The following HOXB5 variants were observed in gnomAD, a reference collection of about 807,000 sequenced individuals.
HOXB5 encodes homeobox protein Hox-B5.
HOXB5 carries 10 observed loss-of-function variants against 19.6 expected under a neutral mutation model. The observed-to-expected ratio is 0.51, with a 90% CI of 0.32 to 0.87. The LOEUF (loss-of-function observed/expected upper bound fraction) is 0.87. Among genes scored for constraint, HOXB5 ranks in the 40% least tolerant of loss-of-function variants. The probability of loss-of-function intolerance (pLI) is 0.04; values close to 1 mark genes in which losing one functional copy is unlikely to be tolerated. For synonymous variants in HOXB5, 167 were observed against 156.9 expected, an observed-to-expected ratio of 1.06 and a Z score of -0.48; for missense variants, 353 against 369.6, an observed-to-expected ratio of 0.96 and a Z score of 0.37.
At chr17:48,592,501 A>G in intron 1 of HOXB5, 45 bp from the exon 2 acceptor site, 1 of 711,926 alleles carries the variant, frequency 1.4e-6, no homozygotes, top group Non-Finnish European at 2.2e-6. Context: ...TATTCCGGTT[A>G]AGGGAGGGGG....
At chr17:48,593,053 TCCCCCCGA>T in intron 1 of HOXB5, 60 bp downstream of exon 1, 67 of 621,624 alleles carry the variant, frequency 1.1e-4, no homozygotes, top group Non-Finnish European at 1.6e-4. Context: ...GCTCTCCTTG[TCCCCCCGA>T]TCCCACCCCA....
rs1157466837 is a variant in HOXB5 at position 48,593,518 on chromosome 17, G to A, written c.165C>T (p.Ser55=). Residue 55 remains serine, a synonymous_variant, in exon 1 of 2, where the codon AGC becomes AGT. Coordinates refer to ENST00000239151, the MANE Select transcript of HOXB5 (RefSeq NM_002147.4). ...TGGAGGAGGCCGAGGAGCGGTTGAC[G>A]CTGAGGTCCATCCCATTGTAATTGT... ...YGYNYNGMDL[S]VNRSSASSSH... is the part of the protein sequence containing the mutation. 6.2e-7 allele frequency: 1 copy of A among 1,613,294 alleles called. No individual in the cohort carries two copies. Among genetic ancestry groups the A allele is most frequent in the Non-Finnish European group, 8.5e-7 (1 of 1,179,990 alleles).
In HOXB5 at chr17:48,591,924, C is replaced by T. The variant is rs2070160566; in HGVS notation, c.*285G>A. The T allele has an allele frequency of 9.6e-6, 2 of 207,368 alleles. No individual in the cohort carries two copies. The highest frequency in any genetic ancestry group is 1.9e-5 in the Non-Finnish European group (2 of 107,310). The allele number at this position is 207,368 out of a possible 1,614,324, so 12.8% of individuals were successfully genotyped here. ...CTGGGGGAAAGACTGCAACCACAGACACAAACATTCAGAAACACTGGCGGA... is the reference window on the plus strand; with the variant it reads ...CTGGGGGAAAGACTGCAACCACAGATACAAACATTCAGAAACACTGGCGGA... On this transcript the variant is annotated 3_prime_UTR_variant, in exon 2 of 2. Transcript: ENST00000239151.
At chr17:48,593,065 C>CCCCCCCAA in intron 1 of HOXB5, 56 bp downstream of exon 1, 4 of 761,326 alleles carry the variant, frequency 5.3e-6, no homozygotes, top group South Asian at 1.9e-5. Context: ...CCCCCGATCC[C>CCCCCCCAA]ACCCCAAAAC....
At chr17:48,593,064 C>CCCCCCCAAAA in intron 1 of HOXB5, 57 bp downstream of exon 1, 3 of 725,174 alleles carry the variant, frequency 4.1e-6, no homozygotes, top group Non-Finnish European at 6.7e-6. Flanking sequence ...CCCCCCGATC[C>CCCCCCCAAAA]CACCCCAAAA....
At chr17:48,593,053 T>G in intron 1 of HOXB5, 68 bp downstream of exon 1, 1 of 621,650 alleles carries the variant, frequency 1.6e-6, no homozygotes, top group Non-Finnish European at 2.9e-6. Context: ...GCTCTCCTTG[T>G]CCCCCCGATC....
At chr17:48,592,523 A>T (rs1283619590) in intron 1 of HOXB5, 67 bp from the exon 2 acceptor site, 2 of 90,066 alleles carry the variant, frequency 2.2e-5, no homozygotes, top group Non-Finnish European at 4.6e-5. Context: ...ACTGGGTGGG[A>T]GGGGGCGGGG....
At position 48,592,345 on chromosome 17, in the gene HOXB5, A is replaced by G; in HGVS notation, c.674T>C (p.Ile225Thr). The G allele has an allele frequency of 6.2e-7, 1 of 1,613,938 alleles. No homozygotes were observed. The highest frequency in any genetic ancestry group is 8.5e-7 in the Non-Finnish European group (1 of 1,179,972). ...CAGGCAGAGTGCGTGGGCGATCTCG[A>G]TGCGCCGTCGCCGGGTCAGGTAGCG... ...FNRYLTRRRRIEIAHALCLSE... is the reference protein window; with the variant it reads ...FNRYLTRRRRTEIAHALCLSE... Residue 225 changes from isoleucine to threonine, a missense_variant, in exon 2 of 2, where the codon ATC (isoleucine) becomes ACC (threonine). Coordinates refer to ENST00000239151, the MANE Select transcript of HOXB5 (RefSeq NM_002147.4).
Position 48,591,724 on chromosome 17 carries a change from C to T in HOXB5, c.*485G>A, listed in dbSNP as rs963356208. 6.5e-6 allele frequency: 1 copy of T among 152,988 alleles called. No homozygotes were observed. The highest frequency in any genetic ancestry group is 2.4e-5 in the African/African-American group (1 of 41,326). The allele number at this position is 152,988 out of a possible 1,614,324, so 9.5% of individuals were successfully genotyped here. ...GGAGAATGAAAAGGGACTCCATCTC[C>T]GAAGCCAGCTCAGCTTGACCCCACT... On this transcript the variant is annotated 3_prime_UTR_variant, in exon 2 of 2. Transcript: ENST00000239151.
chr17:48,592,265 C>T lies in HOXB5; in HGVS notation c.754G>A (p.Asp252Asn). 2 of 1,613,942 alleles carry T rather than the reference C, an allele frequency of 1.2e-6. No homozygotes were observed. Among genetic ancestry groups the T allele is most frequent in the East Asian group, 2.2e-5 (1 of 44,870 alleles). The stretch of plus-strand genomic sequence containing the variant: ...AGGCTCATACTTTTCAATTTGTTGT[C>T]CTTCTTCCACTTCATGCGCCGGTTC... ...FQNRRMKWKK[D>N]NKLKSMSLAT... Residue 252 changes from aspartate (D) to asparagine (N), a missense_variant, in exon 2 of 2, where the codon GAC becomes AAC. Transcript: ENST00000239151.
chr17:48,592,258 T>C lies in HOXB5; in HGVS notation c.761A>G (p.Lys254Arg). 6.2e-7 allele frequency: 1 copy of C among 1,613,890 alleles called. No homozygotes were observed. Among genetic ancestry groups the C allele is most frequent in the Non-Finnish European group, 8.5e-7 (1 of 1,179,984 alleles). Residue 254 changes from lysine (K) to arginine (R), a missense_variant, in exon 2 of 2, where the codon AAA (lysine) becomes AGA (arginine). Coordinates refer to ENST00000239151, the MANE Select transcript of HOXB5 (RefSeq NM_002147.4). ...TGTAGCCAGGCTCATACTTTTCAAT[T>C]TGTTGTCCTTCTTCCACTTCATGCG... ...NRRMKWKKDN[K>R]LKSMSLATAG...
chr17:48,592,138 C>CG lies in HOXB5; in HGVS notation c.*70dup, dbSNP rs2070166185. 6.5e-7 allele frequency: 1 copy of CG among 1,534,288 alleles called. No individual in the cohort carries two copies. Among genetic ancestry groups the CG allele is most frequent in the South Asian group, 1.2e-5 (1 of 81,482 alleles). ...CGGTCCCCAGCGGGCGGCGGCAGAG[C>CG]GGGGAGGATTGGAGGGGCCAGGGCT... On this transcript the variant is annotated 3_prime_UTR_variant, in exon 2 of 2. Coordinates refer to ENST00000239151, the MANE Select transcript of HOXB5 (RefSeq NM_002147.4).
At position 48,593,220 on chromosome 17, in the gene HOXB5, C is replaced by A; in HGVS notation, c.463G>T (p.Ala155Ser). 6.2e-7 allele frequency: 1 copy of A among 1,613,092 alleles called. No homozygotes were observed. Among genetic ancestry groups the A allele is most frequent in the South Asian group, 1.1e-5 (1 of 91,030 alleles). The change falls in exon 1 of 2, where the codon GCT (alanine) becomes TCT (serine). Residue 155 changes from alanine to serine, a missense_variant. By Grantham distance (99) the Ala-to-Ser change is moderately conservative (BLOSUM62 1). Coordinates refer to ENST00000239151, the MANE Select transcript of HOXB5 (RefSeq NM_002147.4). ...GCCATGGGCTCTGGCTGCGCCCGAG[C>A]TAGGCTGGGGCTGCTTAGCTGGCTT... The part of the protein sequence containing the change: ...AASQLSSPSL[A>S]RAQPEPMATS...
intron 1 of HOXB5, 55 bp downstream of exon 1, chr17:48,593,066 A>T (rs1416229645): frequency 8.1e-6 from 3 of 368,358 alleles, no homozygotes; most frequent in Non-Finnish European, 1.4e-5. Context: ...CCCCGATCCC[A>T]CCCCAAAACG....
At position 48,593,280 on chromosome 17, in the gene HOXB5, C is replaced by A; in HGVS notation, c.403G>T (p.Glu135Ter). ...TCAGGCTCCGAGGACGCGCTGGCCT[C>A]GTCTATTTCGGTGAAATTGGCGCTG... Reference protein sequence around the residue: ...SSSANFTEIDEASASSEPEEA... With the variant: ...SSSANFTEID Residue 135 changes from glutamate to a stop codon, truncating the protein, a stop_gained, in exon 1 of 2, where the codon GAG (glutamate) becomes TAG (stop). Transcript: ENST00000239151. LOFTEE classifies it high-confidence loss of function. 1 of 1,613,578 alleles carries A rather than the reference C, an allele frequency of 6.2e-7. No homozygotes were observed. Among genetic ancestry groups the A allele is most frequent in the Non-Finnish European group, 8.5e-7 (1 of 1,179,580 alleles).
rs766325344 is a variant in HOXB5, at chr17:48,592,226, T to C, written c.793A>G (p.Ser265Gly). Reference protein sequence around the residue: ...LKSMSLATAGSAFQP With the variant: ...LKSMSLATAGGAFQP ...GGGCGGGCTCAGGGCTGGAAGGCGC[T>C]GCCAGCTGTAGCCAGGCTCATACTT... Residue 265 changes from serine (S) to glycine (G), a missense_variant, in exon 2 of 2, where the codon AGC becomes GGC. Coordinates refer to ENST00000239151, the MANE Select transcript of HOXB5 (RefSeq NM_002147.4). The C allele has an allele frequency of 6.2e-7, 1 of 1,613,786 alleles. No individual in the cohort carries two copies. The highest frequency in any genetic ancestry group is 1.1e-5 in the South Asian group (1 of 91,064).
chr17:48,593,710 T>C lies in HOXB5; in HGVS notation c.-28A>G, dbSNP rs2070207461. On this transcript the variant is annotated 5_prime_UTR_variant, in exon 1 of 2. Coordinates refer to ENST00000239151, the MANE Select transcript of HOXB5 (RefSeq NM_002147.4). ...GGGTGATTTTGGAGGGCTTGATTTG[T>C]GGATCGTGGTCGTTATAACCCTGTG... 1 of 1,578,008 alleles carries C rather than the reference T, an allele frequency of 6.3e-7. No homozygotes were observed. The highest frequency in any genetic ancestry group is 2.3e-5 in the East Asian group (1 of 44,408).
chr17:48,592,429 G>T lies in HOXB5; in HGVS notation c.590C>A (p.Ala197Asp). 1.3e-6 allele frequency: 2 copies of T among 1,504,990 alleles called. No homozygotes were observed. The highest frequency in any genetic ancestry group is 1.8e-6 in the Non-Finnish European group (2 of 1,112,006). The allele number at this position is 1,504,990 out of a possible 1,614,324, so 93.2% of individuals were successfully genotyped here. ...CTGGTAGCGGGTATACGCGGTCCGG[G>T]CCCTTTTCCCGTCCGGCCCGGTCAT... ...HDMTGPDGKR[A>D]RTAYTRYQTL... Residue 197 changes from alanine (A) to aspartate (D), a missense_variant, in exon 2 of 2, where the codon GCC becomes GAC. Physicochemically the swap from Ala to Asp is moderately radical, Grantham distance 126 (BLOSUM62 -2). Coordinates refer to ENST00000239151, the MANE Select transcript of HOXB5 (RefSeq NM_002147.4).
Position 48,593,101 on chromosome 17 carries a change from A to G in HOXB5, c.562+20T>C. ...GCAGAGAAGGAAAGCCGAGAAGACAAAAAAGAGAGAGAGAATTACCATGGC... is the reference window on the plus strand; with the variant it reads ...GCAGAGAAGGAAAGCCGAGAAGACAGAAAAGAGAGAGAGAATTACCATGGC... On this transcript the variant is annotated intron_variant, in intron 1 of 1. Transcript: ENST00000239151. 1 of 1,448,714 alleles carries G rather than the reference A, an allele frequency of 6.9e-7. No homozygotes were observed. Among genetic ancestry groups the G allele is most frequent in the Non-Finnish European group, 9.2e-7 (1 of 1,082,250 alleles). 89.7% of individuals were successfully genotyped at this position (1,448,714 alleles called of 1,614,324 possible).
Sources: allele counts gnomAD v4.1 joint callset, GRCh38; gene constraint gnomAD v4.1.1; transcripts MANE v1.5; gene names NCBI Gene and HGNC (gene_info 2026-07-23, HGNC 2026-07-21).